The following PTPRA variants were observed in gnomAD, a reference collection of about 807,000 sequenced individuals.
PTPRA encodes receptor-type tyrosine-protein phosphatase alpha.
A neutral mutation model predicts 104.8 loss-of-function variants in PTPRA; 25 were observed. The observed-to-expected ratio is 0.24, with a 90% CI of 0.17 to 0.33. PTPRA has a LOEUF of 0.33. Ranked by LOEUF, PTPRA falls within the 10% of genes least tolerant of loss-of-function variation. PTPRA has a pLI of 1.00. For missense variants in PTPRA, 765 were observed against 1,015.3 expected (o/e 0.75, Z 3.35); for synonymous variants, 323 against 368.9 (o/e 0.88, Z 1.43).
intron 20 of PTPRA, among the ~76,000 whole-genome samples, chr20:3,032,563 CG>C (rs1479443438): frequency 6.7e-6 from 1 of 150,038 alleles, no homozygotes; most frequent in Non-Finnish European, 1.5e-5. Context: ...GTCAGGAGAT[CG>C]AGACCAGCCT....
intron 9 of PTPRA, among the ~76,000 whole-genome samples, chr20:2,990,996 T>C (rs569060160): frequency 7.9e-5 from 12 of 152,178 alleles, no homozygotes; most frequent in Non-Finnish European, 1.6e-4. Flanking sequence ...CAGAATAGCT[T>C]GGACCCTTTT....
upstream of PTPRA, among the ~76,000 whole-genome samples, chr20:2,872,927 C>G (rs1220027815): frequency 6.6e-6 from 1 of 152,196 alleles, no homozygotes; most frequent in Non-Finnish European, 1.5e-5. This position sits in a 1 kb window ranked among gnomAD's most constrained non-coding sequence, Gnocchi z 7.9. Context: ...GGAGATTACC[C>G]TGGAGCTCGG....
chr20:2,866,935 G>A, the PTPRA span, among the ~76,000 whole-genome samples: 1 of 152,226 alleles, frequency 6.6e-6, no homozygotes, highest in Admixed American at 6.5e-5. Context: ...AGATTATAGG[G>A]AGAGATGGCA....
intron 1 of PTPRA, among the ~76,000 whole-genome samples, chr20:2,884,684 T>C (rs895213631): frequency 6.6e-6 from 1 of 152,206 alleles, no homozygotes; most frequent in Non-Finnish European, 1.5e-5. Flanking sequence ...AGATATACGA[T>C]CTGTAAATAT....
chr20:2,992,741 G>A (rs951129201), intron 9 of PTPRA, among the ~76,000 whole-genome samples: 1 of 152,128 alleles, frequency 6.6e-6, no homozygotes, highest in Non-Finnish European at 1.5e-5. Flanking sequence ...ATCTACCAGA[G>A]CTTATTTCTC....
chr20:2,874,056 GAGA>G (rs1600031061), intron 1 of PTPRA, among the ~76,000 whole-genome samples: 1 of 152,206 alleles, frequency 6.6e-6, no homozygotes, highest in Non-Finnish European at 1.5e-5. Context: ...TTGATTCTCA[GAGA>G]AGAAACTTAG....
intron 1 of PTPRA, among the ~76,000 whole-genome samples, chr20:2,918,955 C>G (rs141211238): frequency 6.6e-6 from 1 of 152,254 alleles, no homozygotes; most frequent in East Asian, 1.9e-4. Flanking sequence ...ATTTCCTGTG[C>G]TGTTTTGAAG....
chr20:2,979,975 C>T (rs1007687229), intron 6 of PTPRA, among the ~76,000 whole-genome samples: 2 of 152,124 alleles, frequency 1.3e-5, no homozygotes, highest in South Asian at 2.1e-4. Flanking sequence ...TGCAATGGCA[C>T]GATCTCGGTT....
At chr20:2,928,397 C>T (rs1413498245) in intron 2 of PTPRA, among the ~76,000 whole-genome samples, 1 of 152,068 alleles carries the variant, frequency 6.6e-6, no homozygotes, top group Non-Finnish European at 1.5e-5. Context: ...CGTGAGCCAC[C>T]GTACCCAGCC....
intron 5 of PTPRA, among the ~76,000 whole-genome samples, chr20:2,968,509 T>C (rs545902309): frequency 8.6e-5 from 13 of 151,648 alleles, no homozygotes; most frequent in Non-Finnish European, 1.3e-4. Flanking sequence ...TTTTTTTTTT[T>C]CTCAAATTCT....
chr20:2,956,364 C>G (rs528993665), intron 3 of PTPRA, among the ~76,000 whole-genome samples: 8 of 152,164 alleles, frequency 5.3e-5, no homozygotes, highest in African/African-American at 1.9e-4. Flanking sequence ...GCTGCCTCCT[C>G]GAGCCTCATT....
chr20:2,908,246 T>C (rs1015209071), intron 1 of PTPRA, among the ~76,000 whole-genome samples: 2 of 152,216 alleles, frequency 1.3e-5, no homozygotes, highest in Non-Finnish European at 2.9e-5. Context: ...GTAACATTGA[T>C]GTATTTTGAA....
chr20:2,977,451 G>T (rs191059932), intron 6 of PTPRA, among the ~76,000 whole-genome samples: 3 of 152,116 alleles, frequency 2.0e-5, no homozygotes, highest in African/African-American at 7.2e-5. Context: ...TTCCAGACCA[G>T]CCTGAGCAAT....
chr20:3,019,533 G>A lies in PTPRA; in HGVS notation c.1041+1620G>A, dbSNP rs1386118757. On this transcript the variant is annotated intron_variant, in intron 13 of 23. Coordinates refer to ENST00000399903, the MANE Select transcript of PTPRA (RefSeq NM_001385305.1). ...AGACGATGGGCGGCCGGGCAGAGAC[G>A]CTCCTCACTTCCTAGATGGGATGGC... Among the ~76,000 whole-genome samples, 11 of 151,090 alleles carry A rather than the reference G, an allele frequency of 7.3e-5. No homozygotes were observed. The East Asian group carries it at 1.8e-3, about 25-fold the overall frequency.
intron 2 of PTPRA, among the ~76,000 whole-genome samples, chr20:2,927,922 A>T (rs530387614): frequency 6.6e-6 from 1 of 152,014 alleles, no homozygotes; most frequent in African/African-American, 2.4e-5. Flanking sequence ...AGGCAGGAGA[A>T]TTGCTTGAAC....
chr20:3,019,090 A>G (rs2064669442), intron 13 of PTPRA, among the ~76,000 whole-genome samples: 1 of 128,300 alleles, frequency 7.8e-6, no homozygotes, highest in Non-Finnish European at 1.7e-5. Flanking sequence ...CTCACTTCCC[A>G]GTAGGGGCGG....
At chr20:2,946,408 G>A (rs1297175907) in intron 2 of PTPRA, among the ~76,000 whole-genome samples, 14 of 152,148 alleles carry the variant, frequency 9.2e-5, no homozygotes, top group African/African-American at 3.4e-4. Flanking sequence ...AAAACAGAAG[G>A]AGAGAGGAAA....
Position 3,037,687 on chromosome 20 carries a change from G to T in PTPRA, c.2335-372G>T, listed in dbSNP as rs922193124. 2.6e-5 allele frequency among the ~76,000 whole-genome samples: 4 copies of T among 152,202 alleles called. No individual in the cohort carries two copies. Among genetic ancestry groups the T allele is most frequent in the Non-Finnish European group, 4.4e-5 (3 of 68,030 alleles). ...CCATGGAGCTAGAAATGTTTGGGGG[G>T]TAAAGAAAAGTGAATGTTAGGAGGT... On this transcript the variant is annotated intron_variant, in intron 23 of 23. Coordinates refer to ENST00000399903, the MANE Select transcript of PTPRA (RefSeq NM_001385305.1). The surrounding 1 kb of genome is among the most constrained non-coding windows in gnomAD (Gnocchi z 4.3).
chr20:3,024,760 G>C, intron 17 of PTPRA, 139 bp downstream of exon 17: 1 of 1,041,494 alleles, frequency 9.6e-7, no homozygotes, highest in South Asian at 1.6e-5. Flanking sequence ...TCCTTTCCTC[G>C]TACTCTGGTA....
Sources: gnomAD v4.1 joint callset for allele counts (sites outside exome capture counted in the v4.1 genomes callset) on GRCh38, gnomAD v4.1.1 for gene constraint, Gnocchi (gnomAD v3.1) non-coding constraint, MANE v1.5 for transcripts, NCBI Gene and HGNC (gene_info 2026-07-23, HGNC 2026-07-21) for gene names.